Variants in SMC1B observed in about 807,000 individuals in gnomAD.
SMC1B encodes structural maintenance of chromosomes 1B.
In SMC1B, 60 loss-of-function variants were observed where a neutral mutation model predicts 157.9. That is an observed-to-expected ratio of 0.38 (90% CI 0.31 to 0.47). The LOEUF is 0.47. Ranked by LOEUF, SMC1B falls within the 20% of genes least tolerant of loss-of-function variation. SMC1B has a pLI of 0.99. For missense variants in SMC1B, 1,165 were observed against 1,426.2 expected, an observed-to-expected ratio of 0.82 and a Z score of 2.95; for synonymous variants, 445 against 483.0, an observed-to-expected ratio of 0.92 and a Z score of 1.03.
intron 9 of SMC1B, among the ~76,000 whole-genome samples, chr22:45,392,213 C>T (rs924054040): frequency 4.6e-5 from 7 of 152,118 alleles, no homozygotes; most frequent in Non-Finnish European, 8.8e-5. Flanking sequence ...CCTCCCAAAG[C>T]GCTGGGATTA....
chr22:45,351,621 T>C (rs940054993), intron 22 of SMC1B, among the ~76,000 whole-genome samples: 4 of 152,208 alleles, frequency 2.6e-5, no homozygotes, highest in Non-Finnish European at 4.4e-5. Context: ...TCATCACGGT[T>C]TATTGCAGCC....
chr22:45,373,223 C>T (rs1007061887), intron 12 of SMC1B, among the ~76,000 whole-genome samples: 6 of 152,334 alleles, frequency 3.9e-5, no homozygotes, highest in East Asian at 1.9e-4. Context: ...CTGGGGCACA[C>T]GTTCTCAGGA....
In SMC1B at chr22:45,355,139, T is replaced by C. The variant is rs761187960; in HGVS notation, c.2962-24A>G. ...GCCTATTATGGGCAAAGAACAACAC[T>C]GACTGGCATGGCATGTCTTTTACAT... is the stretch of plus-strand genomic sequence containing the variant. On this transcript the variant is annotated intron_variant, in intron 19 of 24. Transcript: ENST00000357450. The C allele has an allele frequency of 1.9e-6, 3 of 1,613,184 alleles. No homozygotes were observed. In the Admixed American group the frequency reaches 5.0e-5, roughly 27 times the overall value.
intron 15 of SMC1B, among the ~76,000 whole-genome samples, chr22:45,368,482 A>C (rs1020581200): frequency 6.6e-6 from 1 of 151,746 alleles, no homozygotes; most frequent in Non-Finnish European, 1.5e-5. Context: ...CTTTCATAAA[A>C]AGATGCATTT....
chr22:45,403,000 T>C (rs2087214735), intron 4 of SMC1B, among the ~76,000 whole-genome samples: 2 of 152,212 alleles, frequency 1.3e-5, no homozygotes, highest in African/African-American at 4.8e-5. Flanking sequence ...TTTCTACCGA[T>C]AAAACAGGAC....
intron 4 of SMC1B, among the ~76,000 whole-genome samples, chr22:45,403,657 C>T (rs2087222958): frequency 6.6e-6 from 1 of 152,058 alleles, no homozygotes. Flanking sequence ...TGAGGTCTCA[C>T]TATGTTGCCC....
In SMC1B at chr22:45,406,493, T is replaced by C; in HGVS notation, c.582A>G (p.Ala194=). 6.2e-7 allele frequency: 1 copy of C among 1,612,098 alleles called. No individual in the cohort carries two copies. Among genetic ancestry groups the C allele is most frequent in the Non-Finnish European group, 8.5e-7 (1 of 1,179,742 alleles). Residue 194 remains alanine (A), a synonymous_variant, in exon 4 of 25, where the codon GCA becomes GCG. Transcript: ENST00000357450. The part of the protein sequence containing the change: ...FNFNKKKNIA[A]ERRQAKLEKE... ...TCTCTAATTTTGCTTGTCTGCGCTC[T>C]GCCGCTATATTTTTTTTCTTATTAA...
At chr22:45,346,714 T>C (rs1046631372) in intron 23 of SMC1B, among the ~76,000 whole-genome samples, 5 of 152,164 alleles carry the variant, frequency 3.3e-5, no homozygotes, top group African/African-American at 4.8e-5. Context: ...AAAAAAGGTC[T>C]TGGGCCCATA....
At chr22:45,388,986 CAAAAAAA>C (rs371475132) in intron 10 of SMC1B, among the ~76,000 whole-genome samples, 864 of 54,478 alleles carry the variant, frequency 0.016, 6 homozygotes, top group African/African-American at 0.047. Context: ...GACTCTGCCT[CAAAAAAA>C]AAAAAAAAAA....
chr22:45,388,818 A>C (rs1483729417), intron 10 of SMC1B, among the ~76,000 whole-genome samples: 1 of 151,850 alleles, frequency 6.6e-6, no homozygotes, highest in African/African-American at 2.4e-5. Context: ...TCTACTAAAA[A>C]TACAAAAAAA....
rs1314050379 is a variant in SMC1B, at chr22:45,362,020, C to T, written c.2563-36G>A. The T allele has an allele frequency of 4.4e-6, 7 of 1,586,550 alleles. No homozygotes were observed. In the African/African-American group the frequency reaches 9.5e-5, roughly 22 times the overall value. On this transcript the variant is annotated intron_variant, in intron 16 of 24. Transcript: ENST00000357450. ...AGGATCTGCATTGTAGATTTACTAT[C>T]TTTTATATTAATAAGGTACTTCTAT... is the stretch of plus-strand genomic sequence containing the variant.
intron 14 of SMC1B, among the ~76,000 whole-genome samples, chr22:45,370,657 T>A (rs2086822301): frequency 6.6e-6 from 1 of 152,204 alleles, no homozygotes; most frequent in African/African-American, 2.4e-5. Context: ...GACGCAGTAG[T>A]AAGCTACAGT....
intron 12 of SMC1B, among the ~76,000 whole-genome samples, chr22:45,375,494 C>A (rs1376363961): frequency 1.3e-5 from 2 of 152,326 alleles, no homozygotes; most frequent in East Asian, 3.9e-4. Flanking sequence ...GTTCACACTT[C>A]CAAGACTACA....
chr22:45,384,885 C>T (rs1418057553), intron 11 of SMC1B, among the ~76,000 whole-genome samples: 3 of 151,884 alleles, frequency 2.0e-5, no homozygotes, highest in Non-Finnish European at 4.4e-5. Flanking sequence ...AAAGTGGTAC[C>T]CTGCACTTTA....
At chr22:45,398,821 C>T (rs369209470) in intron 6 of SMC1B, among the ~76,000 whole-genome samples, 17 of 152,042 alleles carry the variant, frequency 1.1e-4, no homozygotes, top group African/African-American at 3.9e-4. Context: ...AAGAGCGAAA[C>T]TCCATCTCAA....
intron 4 of SMC1B, among the ~76,000 whole-genome samples, chr22:45,402,782 C>T (rs902473010): frequency 1.3e-5 from 2 of 152,190 alleles, no homozygotes; most frequent in African/African-American, 4.8e-5. Context: ...TGTTCTTGCG[C>T]TCAGTGGTAT....
chr22:45,410,346 G>A (rs1317192192), intron 1 of SMC1B, among the ~76,000 whole-genome samples: 1 of 152,134 alleles, frequency 6.6e-6, no homozygotes, highest in African/African-American at 2.4e-5. Context: ...CAATGTCAAT[G>A]CAGCTGTCAC....
chr22:45,358,805 AT>A lies in SMC1B; in HGVS notation c.2863-11del, dbSNP rs2086693850. On this transcript the variant is annotated splice_polypyrimidine_tract_variant and intron_variant, in intron 18 of 24. Transcript: ENST00000357450. Reference sequence around the variant, plus strand: ...CTGCTTCAGTTCCCATCTGAAAAATATGTGAACACATACATTTGTTGATTAA... The same window carrying A: ...CTGCTTCAGTTCCCATCTGAAAAATAGTGAACACATACATTTGTTGATTAA... The A allele has an allele frequency of 1.9e-6, 3 of 1,582,808 alleles. No homozygotes were observed. The highest frequency in any genetic ancestry group is 2.6e-6 in the Non-Finnish European group (3 of 1,153,722).
chr22:45,375,433 T>C (rs551717801), intron 12 of SMC1B, among the ~76,000 whole-genome samples: 3 of 152,350 alleles, frequency 2.0e-5, no homozygotes, highest in South Asian at 2.1e-4. Flanking sequence ...GTCCTCAACC[T>C]TGGCAAAATA....
Sources: allele counts gnomAD v4.1 joint callset (sites outside exome capture counted in the v4.1 genomes callset), GRCh38; gene constraint gnomAD v4.1.1; transcripts MANE v1.5; gene names NCBI Gene and HGNC (gene_info 2026-07-23, HGNC 2026-07-21).